HNRNPH3: variants seen among roughly 807,000 people sequenced by gnomAD.
The protein encoded by HNRNPH3 is heterogeneous nuclear ribonucleoprotein 2H9.
Under a neutral mutation model 47.0 loss-of-function variants are expected in HNRNPH3, and 7 were observed. The ratio of observed to expected loss-of-function variants is 0.15; its 90% CI spans 0.08 to 0.28. The LOEUF (loss-of-function observed/expected upper bound fraction) is 0.28, where lower values mean the gene tolerates loss of function less well. Ranked by LOEUF, HNRNPH3 falls within the 10% of genes least tolerant of loss-of-function variation. The probability of loss-of-function intolerance (pLI) is 1.00; values close to 1 mark genes in which losing one functional copy is unlikely to be tolerated. For missense variants in HNRNPH3, 279 were observed against 449.6 expected (o/e 0.62, Z 3.43); for synonymous variants, 120 against 143.2 (o/e 0.84, Z 1.16).
chr10:68,338,561 A>G lies in HNRNPH3; in HGVS notation c.310A>G (p.Arg104Gly). Residue 104 changes from arginine (R) to glycine (G), a missense_variant, in exon 4 of 10, where the codon AGA becomes GGA. Coordinates refer to ENST00000265866, the MANE Select transcript of HNRNPH3 (RefSeq NM_012207.3). ...AATCAAAGGATTTTATGATCCACCA[A>G]GAAGATTGCTGGGACAGCGACCGGG... ...SEIKGFYDPP[R>G]RLLGQRPGPY... The G allele has an allele frequency of 6.2e-7, 1 of 1,613,468 alleles. No homozygotes were observed. Among genetic ancestry groups the G allele is most frequent in the Non-Finnish European group, 8.5e-7 (1 of 1,179,436 alleles).
chr10:68,341,160 T>C lies in HNRNPH3; in HGVS notation c.640-14T>C, dbSNP rs1376101856. ...TCTCAATAGAAAAGTAAATAAGTGT[T>C]TCCTTTTATTTAGTTCTTCTCACCA... On this transcript the variant is annotated splice_polypyrimidine_tract_variant and intron_variant, in intron 6 of 9. Coordinates refer to ENST00000265866, the MANE Select transcript of HNRNPH3 (RefSeq NM_012207.3). 1.3e-6 allele frequency: 2 copies of C among 1,521,296 alleles called. No individual in the cohort carries two copies. Among genetic ancestry groups the C allele is most frequent in the Non-Finnish European group, 1.8e-6 (2 of 1,129,872 alleles). 94.2% of individuals were successfully genotyped at this position (1,521,296 alleles called of 1,614,324 possible).
rs544752573 is a variant in HNRNPH3, at chr10:68,340,073, C to T, written c.639+518C>T. On this transcript the variant is annotated intron_variant, in intron 6 of 9. Transcript: ENST00000265866. ...TTTTTGAGACAGAGTCTTGCTCTGT[C>T]GCCCAGGCTAGAGTGCAGTGGCGCG... Among the ~76,000 whole-genome samples, 11 of 152,104 alleles carry T rather than the reference C, an allele frequency of 7.2e-5. No individual in the cohort carries two copies. The East Asian group carries it at 1.4e-3, about 19-fold the overall frequency.
rs953270956 is a variant in HNRNPH3 at position 68,338,978 on chromosome 10, A to G, written c.437-162A>G. The G allele has an allele frequency of 1.8e-5, 10 of 560,382 alleles. No individual in the cohort carries two copies. In the African/African-American group the frequency reaches 1.9e-4, roughly 11 times the overall value. 34.7% of individuals were successfully genotyped at this position (560,382 alleles called of 1,614,324 possible). On this transcript the variant is annotated intron_variant, in intron 4 of 9. Coordinates refer to ENST00000265866, the MANE Select transcript of HNRNPH3 (RefSeq NM_012207.3). ...CTTAATTAACTTTCTGAGATTTTAA[A>G]TTTCCATCACGTTGACTGCTTTTTT...
intron 4 of HNRNPH3, 58 bp from the exon 5 acceptor site, chr10:68,339,082 A>T (rs927533757): frequency 3.0e-6 from 4 of 1,351,302 alleles, no homozygotes; most frequent in Non-Finnish European, 4.1e-6. Flanking sequence ...TGTAAACTAA[A>T]TTATAAAATT....
In HNRNPH3 at chr10:68,338,692, GTGTATCTAA is replaced by G; in HGVS notation, c.436+8_436+16del. The G allele has an allele frequency of 6.4e-7, 1 of 1,566,172 alleles. No individual in the cohort carries two copies. Among genetic ancestry groups the G allele is most frequent in the Non-Finnish European group, 8.7e-7 (1 of 1,155,498 alleles). On this transcript the variant is annotated splice_donor_region_variant and intron_variant, in intron 4 of 9. Coordinates refer to ENST00000265866, the MANE Select transcript of HNRNPH3 (RefSeq NM_012207.3). ...GAGGTGATGGATATGATGGTGGTAT[GTGTATCTAA>G]TGAACAAAGGTTCTGTTGTCATTTT... is the stretch of plus-strand genomic sequence containing the variant.
chr10:68,332,475 C>T (rs1370189411), intron 1 of HNRNPH3, among the ~76,000 whole-genome samples: 1 of 152,222 alleles, frequency 6.6e-6, no homozygotes, highest in African/African-American at 2.4e-5. Context: ...AGCATTTTCC[C>T]CTTTCCCTGC....
At chr10:68,336,396 A>G (rs561383848) in intron 1 of HNRNPH3, among the ~76,000 whole-genome samples, 1 of 152,306 alleles carries the variant, frequency 6.6e-6, no homozygotes, top group Admixed American at 6.5e-5. Context: ...GGGGGCTTCT[A>G]GATGTACCTT....
chr10:68,337,739 T>C lies in HNRNPH3; in HGVS notation c.113-119T>C. The C allele has an allele frequency of 1.1e-6, 1 of 943,414 alleles. No individual in the cohort carries two copies. Among genetic ancestry groups the C allele is most frequent in the East Asian group, 2.5e-5 (1 of 39,364 alleles). 58.4% of individuals were successfully genotyped at this position (943,414 alleles called of 1,614,324 possible). On this transcript the variant is annotated intron_variant, in intron 2 of 9. Transcript: ENST00000265866. The surrounding 1 kb of genome is among the most constrained non-coding windows in gnomAD (Gnocchi z 4.5). The stretch of plus-strand genomic sequence containing the variant: ...TTTGTATTATGGGGTGATGGGAAAC[T>C]AAGCTTTTTTGTTTTGTTTTGTTTT...
rs2045996974 is a variant in HNRNPH3, at chr10:68,342,009, T to TG, written c.999dup (p.Gln334AlafsTer24). On this transcript the variant is annotated frameshift_variant, in exon 10 of 10. Coordinates refer to ENST00000265866, the MANE Select transcript of HNRNPH3 (RefSeq NM_012207.3). LOFTEE classifies it high-confidence loss of function. ...GTGGTGGAGGCAGTGGAGGTTACTA[T>TG]GGGCAAGGCGGCATGAGTGGAGGTG... The TG allele has an allele frequency of 2.5e-6, 4 of 1,613,998 alleles. No individual in the cohort carries two copies. Among genetic ancestry groups the TG allele is most frequent in the Non-Finnish European group, 3.4e-6 (4 of 1,180,020 alleles).
At chr10:68,338,930 G>T (rs1160208812) in intron 4 of HNRNPH3, 7 of 523,438 alleles carry the variant, frequency 1.3e-5, no homozygotes, top group East Asian at 3.1e-5. Context: ...GCCTAAGGAT[G>T]AAATTTAATT....
intron 3 of HNRNPH3, 99 bp from the exon 4 acceptor site, chr10:68,338,404 T>C (rs1361699560): frequency 6.4e-6 from 4 of 620,728 alleles, no homozygotes; most frequent in African/African-American, 5.6e-5. Flanking sequence ...AATTGGGTTA[T>C]GTATCTAGAT....
rs2045610106 is a variant in HNRNPH3, at chr10:68,337,644, A to G, written c.113-214A>G. ...ATATAGGTGGGCTTTTAGAGTGTGT[A>G]ATTACACAGTGTTTTTACACTGGTC... On this transcript the variant is annotated intron_variant, in intron 2 of 9. Coordinates refer to ENST00000265866, the MANE Select transcript of HNRNPH3 (RefSeq NM_012207.3). The surrounding 1 kb of genome is among the most constrained non-coding windows in gnomAD (Gnocchi z 4.5). 1 of 528,420 alleles carries G rather than the reference A, an allele frequency of 1.9e-6. No individual in the cohort carries two copies. The highest frequency in any genetic ancestry group is 3.4e-5 in the Admixed American group (1 of 29,272). 32.7% of individuals were successfully genotyped at this position (528,420 alleles called of 1,614,324 possible).
At chr10:68,340,065 T>C (rs1187435141) in intron 6 of HNRNPH3, among the ~76,000 whole-genome samples, 4 of 152,058 alleles carry the variant, frequency 2.6e-5, no homozygotes, top group Admixed American at 2.0e-4. Flanking sequence ...GACAGAGTCT[T>C]GCTCTGTCGC....
intron 1 of HNRNPH3, among the ~76,000 whole-genome samples, chr10:68,333,257 A>C (rs1033213542): frequency 8.5e-6 from 1 of 118,192 alleles, no homozygotes; most frequent in African/African-American, 3.3e-5. Flanking sequence ...CCAGTGAACT[A>C]TAATTGTTGC....
In HNRNPH3 at chr10:68,337,174, CTA is replaced by C. The variant is rs765207738; in HGVS notation, c.-23-23_-23-22del. The C allele has an allele frequency of 2.5e-5, 28 of 1,124,918 alleles. No individual in the cohort carries two copies. Among genetic ancestry groups the C allele is most frequent in the Non-Finnish European group, 3.5e-5 (26 of 740,314 alleles). 69.7% of individuals were successfully genotyped at this position (1,124,918 alleles called of 1,614,324 possible). A position where few individuals can be genotyped will look rare whatever the true frequency, so the allele number is the denominator to read the frequency against. Reference sequence around the variant, plus strand: ...CAAGAGTATATTTTGATTGACTGCTCTATGTGCTTGTTTATTTTTTATAGCAT... The same window carrying C: ...CAAGAGTATATTTTGATTGACTGCTCTGTGCTTGTTTATTTTTTATAGCAT... On this transcript the variant is annotated intron_variant, in intron 1 of 9. Transcript: ENST00000265866. The surrounding 1 kb of genome is among the most constrained non-coding windows in gnomAD (Gnocchi z 4.5).
chr10:68,334,841 A>G (rs1362695337), intron 1 of HNRNPH3, among the ~76,000 whole-genome samples: 2 of 152,220 alleles, frequency 1.3e-5, no homozygotes, highest in Admixed American at 1.3e-4. Context: ...ATTATCCTGA[A>G]TAATTAGTAA....
At chr10:68,333,579 G>T (rs2045348242) in intron 1 of HNRNPH3, among the ~76,000 whole-genome samples, 1 of 152,006 alleles carries the variant, frequency 6.6e-6, no homozygotes, top group Non-Finnish European at 1.5e-5. Context: ...CACTGTAATC[G>T]TATTTTAAAC....
In HNRNPH3 at chr10:68,341,973, T is replaced by C. The variant is rs565394974; in HGVS notation, c.965-5T>C. 2 of 1,613,834 alleles carry C rather than the reference T, an allele frequency of 1.2e-6. No individual in the cohort carries two copies. Among genetic ancestry groups the C allele is most frequent in the South Asian group, 2.2e-5 (2 of 91,058 alleles). On this transcript the variant is annotated splice_region_variant and splice_polypyrimidine_tract_variant and intron_variant, in intron 9 of 9. Transcript: ENST00000265866. ...CTGAGTGATTCTTAATATCTTTTTC[T>C]TAAGGCCGTGGTGGTGGAGGCAGTG...
intron 4 of HNRNPH3, 147 bp downstream of exon 4, chr10:68,338,834 TG>T: frequency 3.2e-6 from 2 of 616,142 alleles, no homozygotes; most frequent in Non-Finnish European, 2.7e-6. Context: ...TGGCTAGCTG[TG>T]GGACTTGACT....
Sources: gnomAD v4.1 joint callset for allele counts (sites outside exome capture counted in the v4.1 genomes callset) on GRCh38, gnomAD v4.1.1 for gene constraint, Gnocchi (gnomAD v3.1) non-coding constraint, MANE v1.5 for transcripts, NCBI Gene and HGNC (gene_info 2026-07-23, HGNC 2026-07-21) for gene names.